CACNA1C: variants seen among roughly 807,000 people sequenced by gnomAD.
CACNA1C encodes voltage-dependent L-type calcium channel subunit alpha-1C.
In CACNA1C, 30 loss-of-function variants were observed where a neutral mutation model predicts 229.0. That is an observed-to-expected ratio of 0.13 (90% CI 0.10 to 0.18). The LOEUF (loss-of-function observed/expected upper bound fraction) is 0.18, where lower values mean the gene tolerates loss of function less well. Ranked by LOEUF, CACNA1C falls within the 10% of genes least tolerant of loss-of-function variation. The pLI is 1.00. For synonymous variants in CACNA1C, 1,114 were observed against 1,132.5 expected (o/e 0.98, Z 0.33); for missense variants, 1,658 against 2,845.0 (o/e 0.58, Z 9.49).
Position 2,504,491 on chromosome 12 carries a change from T to C in CACNA1C, c.1114-351T>C, listed in dbSNP as rs772949593. 1 of 1,612,834 alleles carries C rather than the reference T, an allele frequency of 6.2e-7. No homozygotes were observed. Among genetic ancestry groups the C allele is most frequent in the East Asian group, 2.2e-5 (1 of 44,874 alleles). On this transcript the variant is annotated intron_variant, in intron 7 of 46. Coordinates refer to ENST00000399655, the MANE Select transcript of CACNA1C (RefSeq NM_000719.7). The surrounding 1 kb of genome is among the most constrained non-coding windows in gnomAD (Gnocchi z 6.8). The stretch of plus-strand genomic sequence containing the variant: ...TGGGTGTATTTTGTCAGTCTGGTCA[T>C]CTTTGGATCCTTTTTCGTTCTAAAT...
intron 43 of CACNA1C, 99 bp from the exon 44 acceptor site, chr12:2,685,637 C>T (rs2097417497): frequency 3.5e-6 from 3 of 858,476 alleles, no homozygotes; most frequent in Non-Finnish European, 2.0e-6. Context: ...CGTCCCTTCA[C>T]TAAGGATCAG....
At chr12:2,384,125 A>G (rs1016317956) in intron 3 of CACNA1C, among the ~76,000 whole-genome samples, 1 of 152,104 alleles carries the variant, frequency 6.6e-6, no homozygotes, top group Non-Finnish European at 1.5e-5. Context: ...ATCACACACC[A>G]CCCAGGTTAG....
intron 5 of CACNA1C, among the ~76,000 whole-genome samples, chr12:2,476,929 C>T (rs775029905): frequency 3.8e-4 from 58 of 152,196 alleles, no homozygotes; most frequent in African/African-American, 4.6e-4. Context: ...GTTCTTTCCC[C>T]GTTTATAGGA....
At position 1,991,690 on chromosome 12, in the gene CACNA1C, G is replaced by C. The variant is rs977657924; in HGVS notation, c.139+20489G>C. On this transcript the variant is annotated intron_variant, in intron 1 of 46. Transcript: ENST00000682462. ...GTGGACAGCACACGCTTAGAACCAA[G>C]GTGTATGTTTATTAGATCTAAATAG... is the stretch of plus-strand genomic sequence containing the variant. 14 of 161,668 alleles carry C rather than the reference G, an allele frequency of 8.7e-5. No homozygotes were observed. The South Asian group carries it at 2.2e-3, about 25-fold the overall frequency. 10.0% of individuals were successfully genotyped at this position (161,668 alleles called of 1,614,324 possible). A position where few individuals can be genotyped will look rare whatever the true frequency, so the allele number is the denominator to read the frequency against.
Position 2,335,450 on chromosome 12 carries a change from A to C in CACNA1C, c.478-113526A>C, listed in dbSNP as rs372047277. ...AGAGCATATTAGTTAAAAAAAAAAA[A>C]CCTTAAACATAATGTAGAAAGATGT... On this transcript the variant is annotated intron_variant, in intron 3 of 46. Coordinates refer to ENST00000399655, the MANE Select transcript of CACNA1C (RefSeq NM_000719.7). 5.8e-3 allele frequency among the ~76,000 whole-genome samples: 865 copies of C among 149,690 alleles called. 8 individuals carry two copies. Among genetic ancestry groups the C allele is most frequent in the African/African-American group, 0.021 (828 of 39,996 alleles).
chr12:2,610,526 C>G lies in CACNA1C; in HGVS notation c.3559-15C>G. 1.2e-6 allele frequency: 2 copies of G among 1,607,878 alleles called. No individual in the cohort carries two copies. On this transcript the variant is annotated splice_polypyrimidine_tract_variant and intron_variant, in intron 27 of 46. Transcript: ENST00000399655. ...TAACTAACCCCACTCTCCCCATCCT[C>G]CACCACCCTCCCAGCGACAGTGCGT...
intron 3 of CACNA1C, among the ~76,000 whole-genome samples, chr12:2,438,478 G>A (rs977209856): frequency 6.6e-6 from 1 of 151,990 alleles, no homozygotes. Context: ...CCAGAGCAGG[G>A]TGGCCACTGA....
At chr12:2,530,749 G>C (rs1285226196) in intron 9 of CACNA1C, among the ~76,000 whole-genome samples, 2 of 152,210 alleles carry the variant, frequency 1.3e-5, no homozygotes, top group East Asian at 3.8e-4. Flanking sequence ...CCAGGATAGG[G>C]ACCATGCCAT....
intron 3 of CACNA1C, among the ~76,000 whole-genome samples, chr12:2,274,333 T>C (rs2086684383): frequency 6.6e-6 from 1 of 152,206 alleles, no homozygotes. Flanking sequence ...CTGCTGATGT[T>C]TCTGAGCTAG....
intron 3 of CACNA1C, among the ~76,000 whole-genome samples, chr12:2,155,406 GA>G (rs3216317): frequency 3.4e-5 from 5 of 147,590 alleles, no homozygotes; most frequent in Non-Finnish European, 6.0e-5. Context: ...TATATGAAAA[GA>G]AAAAAAAAAT....
intron 1 of CACNA1C, among the ~76,000 whole-genome samples, chr12:2,062,781 C>T (rs962401645): frequency 6.6e-6 from 1 of 152,148 alleles, no homozygotes; most frequent in Non-Finnish European, 1.5e-5. Context: ...CCTTGCTTCA[C>T]CACCCATTCT....
chr12:2,455,057 C>T (rs1289696895), intron 4 of CACNA1C, among the ~76,000 whole-genome samples: 1 of 152,196 alleles, frequency 6.6e-6, no homozygotes, highest in Admixed American at 6.5e-5. Flanking sequence ...TTTCTGTGCA[C>T]CCATCCCCTT....
chr12:2,230,201 C>T (rs924105990), intron 3 of CACNA1C, among the ~76,000 whole-genome samples: 28 of 152,158 alleles, frequency 1.8e-4, no homozygotes, highest in Admixed American at 1.6e-3. Context: ...TGCTGCCGAG[C>T]TCCGCAGCCC....
At position 2,610,602 on chromosome 12, in the gene CACNA1C, A is replaced by C; in HGVS notation, c.3620A>C (p.Gln1207Pro). ...CTGCGGAGGTACATCCCCAAGAACC[A>C]GCACCAGTACAAAGTGTGGTACGTG... Reference protein sequence around the residue: ...RPLRRYIPKNQHQYKVWYVVN... With the variant: ...RPLRRYIPKNPHQYKVWYVVN... Residue 1207 changes from glutamine to proline, a missense_variant, in exon 28 of 47, where the codon CAG becomes CCG. Transcript: ENST00000399655. 3.1e-6 allele frequency: 5 copies of C among 1,614,172 alleles called. No homozygotes were observed. Among genetic ancestry groups the C allele is most frequent in the Non-Finnish European group, 2.5e-6 (3 of 1,179,996 alleles).
chr12:2,053,970 G>T lies in CACNA1C; in HGVS notation c.49+359G>T, dbSNP rs1389293194. On this transcript the variant is annotated intron_variant, in intron 1 of 46. Transcript: ENST00000399655. The surrounding 1 kb of genome is among the most constrained non-coding windows in gnomAD (Gnocchi z 5.8). ...GGCTGCCTGGCCAGCCGCGCGGGGG[G>T]CAGAGGGCGCCGGCGCCGCGGAGCC... 5.4e-5 allele frequency among the ~76,000 whole-genome samples: 8 copies of T among 149,262 alleles called. No homozygotes were observed. In the South Asian group the frequency reaches 8.3e-4, roughly 15 times the overall value.
chr12:2,533,937 A>G (rs1394484162), intron 9 of CACNA1C, among the ~76,000 whole-genome samples: 1 of 152,194 alleles, frequency 6.6e-6, no homozygotes, highest in African/African-American at 2.4e-5. Flanking sequence ...GACTCTCCTA[A>G]TGAACGAGCA....
Position 2,067,204 on chromosome 12 carries a change from G to C in CACNA1C, c.49+13593G>C, listed in dbSNP as rs906918286. ...GTGTGGGAGAATCAAGGTGGCCAGT[G>C]GGATGCAGGAGCCAGGATGCATCGT... On this transcript the variant is annotated intron_variant, in intron 1 of 46. Transcript: ENST00000399655. The surrounding 1 kb of genome is among the most constrained non-coding windows in gnomAD (Gnocchi z 5.3). 6.6e-6 allele frequency among the ~76,000 whole-genome samples: 1 copy of C among 152,238 alleles called. No individual in the cohort carries two copies. Among genetic ancestry groups the C allele is most frequent in the South Asian group, 2.1e-4 (1 of 4,816 alleles).
chr12:2,221,192 G>A (rs1431591625), intron 3 of CACNA1C, among the ~76,000 whole-genome samples: 1 of 152,232 alleles, frequency 6.6e-6, no homozygotes, highest in Non-Finnish European at 1.5e-5. Context: ...ATGACCAGGC[G>A]GGTGCAGGTG....
At chr12:2,511,728 G>A (rs1442445106) in intron 8 of CACNA1C, among the ~76,000 whole-genome samples, 3 of 152,170 alleles carry the variant, frequency 2.0e-5, no homozygotes, top group East Asian at 1.9e-4. Context: ...CTTTGTTGAT[G>A]ATTGCCTTCT....
Sources: allele counts gnomAD v4.1 joint callset (sites outside exome capture counted in the v4.1 genomes callset), GRCh38; gene constraint gnomAD v4.1.1; non-coding constraint Gnocchi (gnomAD v3.1); transcripts MANE v1.5; gene names NCBI Gene and HGNC (gene_info 2026-07-23, HGNC 2026-07-21).